The following LEKR1 variants were observed in gnomAD, a reference collection of about 807,000 sequenced individuals.
LEKR1 encodes the protein protein LEKR1.
A neutral mutation model predicts 72.4 loss-of-function variants in LEKR1; 59 were observed. The observed-to-expected ratio is 0.82, with a 90% CI of 0.66 to 1.01. The LOEUF (loss-of-function observed/expected upper bound fraction) is 1.01, where lower values mean the gene tolerates loss of function less well. Among genes scored for constraint, LEKR1 ranks in the 50% least tolerant of loss-of-function variants. The pLI is 0.00. For missense variants in LEKR1, 728 were observed against 759.2 expected (o/e 0.96, Z 0.48); for synonymous variants, 257 against 263.2 (o/e 0.98, Z 0.23).
chr3:156,903,829 A>C (rs1468157740), intron 3 of LEKR1, among the ~76,000 whole-genome samples: 2 of 152,220 alleles, frequency 1.3e-5, no homozygotes, highest in African/African-American at 2.4e-5. Context: ...GTCCCAAGGA[A>C]AGAATCCTAC....
intron 6 of LEKR1, among the ~76,000 whole-genome samples, chr3:156,966,235 A>G (rs1728567657): frequency 6.6e-6 from 1 of 152,168 alleles, no homozygotes; most frequent in Middle Eastern, 3.4e-3. Flanking sequence ...TGCATTTCCA[A>G]CTGAGGTACT....
intron 2 of LEKR1, among the ~76,000 whole-genome samples, chr3:156,845,764 C>T (rs1714513741): frequency 6.6e-6 from 1 of 151,988 alleles, no homozygotes; most frequent in African/African-American, 2.4e-5. Flanking sequence ...GGTAGTGATT[C>T]CCCCCACTTT....
rs981110869 is a variant in LEKR1 at position 157,037,150 on chromosome 3, T to C, written c.1669-8190T>C. ...TTCCATTCCATGCAGTCAATAGATA[T>C]GTTCCAAACTGAAAAACAAAGAAGT... On this transcript the variant is annotated intron_variant, in intron 12 of 12. Transcript: ENST00000356539. Among the ~76,000 whole-genome samples the C allele has an allele frequency of 3.9e-5, 6 of 152,154 alleles. No individual in the cohort carries two copies. In the South Asian group the frequency reaches 1.0e-3, roughly 26 times the overall value.
rs75556697 is a variant in LEKR1 at position 157,044,913 on chromosome 3, A to G, written c.1669-427A>G. Among the ~76,000 whole-genome samples the G allele has an allele frequency of 2.8e-3, 426 of 152,314 alleles. 11 individuals are homozygous for G. The East Asian group carries it at 0.064, about 23-fold the overall frequency. ...GTTATTATAGTATACCTTCACTACA[A>G]AAGAATATATTTAATGACTCTACAG... On this transcript the variant is annotated intron_variant, in intron 12 of 12. Transcript: ENST00000356539.
chr3:156,983,144 G>GA (rs924727685), intron 7 of LEKR1, among the ~76,000 whole-genome samples: 1 of 152,100 alleles, frequency 6.6e-6, no homozygotes, highest in Non-Finnish European at 1.5e-5. Context: ...AGCCTTAAAA[G>GA]AAAGACTGTC....
At chr3:156,928,618 C>A (rs1467678722) in intron 5 of LEKR1, among the ~76,000 whole-genome samples, 1 of 151,956 alleles carries the variant, frequency 6.6e-6, no homozygotes, top group Non-Finnish European at 1.5e-5. Flanking sequence ...ATCAAGGCAA[C>A]CTCAGCCTCT....
chr3:156,885,215 GT>G (rs1719925552), intron 3 of LEKR1, among the ~76,000 whole-genome samples: 1 of 151,856 alleles, frequency 6.6e-6, no homozygotes, highest in South Asian at 2.1e-4. Flanking sequence ...CTTTGTGTTG[GT>G]TTTTTACCTT....
At chr3:157,027,458 A>G (rs1286386756) in intron 11 of LEKR1, among the ~76,000 whole-genome samples, 1 of 152,158 alleles carries the variant, frequency 6.6e-6, no homozygotes, top group East Asian at 1.9e-4. Flanking sequence ...CCCCAAAATC[A>G]GGCATTTTGA....
intron 12 of LEKR1, among the ~76,000 whole-genome samples, chr3:157,039,655 G>A (rs2108046481): frequency 6.6e-6 from 1 of 152,232 alleles, no homozygotes; most frequent in South Asian, 2.1e-4. Context: ...AACAAATCTA[G>A]CAAAGACGGA....
At chr3:156,956,377 G>A (rs1452044992) in intron 6 of LEKR1, among the ~76,000 whole-genome samples, 1 of 151,950 alleles carries the variant, frequency 6.6e-6, no homozygotes. Context: ...TCCATGTTTG[G>A]CCACCTAGCC....
chr3:156,985,996 G>A (rs1333962295), intron 7 of LEKR1, among the ~76,000 whole-genome samples: 2 of 152,124 alleles, frequency 1.3e-5, no homozygotes, highest in Non-Finnish European at 2.9e-5. Flanking sequence ...TTGCAGTGAT[G>A]TGATTCGATG....
chr3:156,946,625 G>T (rs920868445), intron 6 of LEKR1, among the ~76,000 whole-genome samples: 1 of 151,268 alleles, frequency 6.6e-6, no homozygotes, highest in African/African-American at 2.4e-5. Context: ...TCTATACCCA[G>T]TTTTTTCAGG....
intron 12 of LEKR1, among the ~76,000 whole-genome samples, chr3:157,042,498 A>C (rs1047495257): frequency 2.6e-5 from 4 of 152,140 alleles, no homozygotes; most frequent in African/African-American, 9.7e-5. Flanking sequence ...GTCTGCCAGG[A>C]ATTTGCTCCC....
chr3:156,989,378 A>G (rs1393716924), intron 7 of LEKR1, among the ~76,000 whole-genome samples: 1 of 152,206 alleles, frequency 6.6e-6, no homozygotes, highest in Non-Finnish European at 1.5e-5. Context: ...AATTTTTGCT[A>G]GAATCAAACT....
At chr3:156,985,490 C>T (rs1353172576) in intron 7 of LEKR1, among the ~76,000 whole-genome samples, 2 of 152,172 alleles carry the variant, frequency 1.3e-5, no homozygotes, top group African/African-American at 4.8e-5. Context: ...GTCCTAATCC[C>T]TGGAATCTGT....
chr3:156,941,058 T>A (rs1183142266), intron 5 of LEKR1, among the ~76,000 whole-genome samples: 1 of 152,108 alleles, frequency 6.6e-6, no homozygotes, highest in African/African-American at 2.4e-5. Flanking sequence ...TTTAAAAATT[T>A]TATGTACTGT....
At chr3:156,944,021 G>T (rs970881479) in intron 6 of LEKR1, among the ~76,000 whole-genome samples, 3 of 150,356 alleles carry the variant, frequency 2.0e-5, no homozygotes, top group Non-Finnish European at 4.4e-5. Context: ...TTCTACATTT[G>T]ATTTTTTTCA....
intron 3 of LEKR1, among the ~76,000 whole-genome samples, chr3:156,914,474 C>G (rs1305329055): frequency 1.3e-5 from 2 of 152,242 alleles, no homozygotes; most frequent in South Asian, 2.1e-4. Context: ...TCATCCATGT[C>G]CCTGCAAAGG....
Position 156,829,278 on chromosome 3 carries a change from G to A in LEKR1, c.-44-8G>A. 9.2e-7 allele frequency: 1 copy of A among 1,091,916 alleles called. No individual in the cohort carries two copies. The allele number at this position is 1,091,916 out of a possible 1,614,324, so 67.6% of individuals were successfully genotyped here. ...TTCTGTTCTGACTGTTGCCATCAAT[G>A]TTCTTAGATTTCCTTTGGCTTCAAA... On this transcript the variant is annotated splice_polypyrimidine_tract_variant and splice_region_variant and intron_variant, in intron 1 of 12. Transcript: ENST00000356539.
Sources: allele counts gnomAD v4.1 joint callset (sites outside exome capture counted in the v4.1 genomes callset), GRCh38; gene constraint gnomAD v4.1.1; transcripts MANE v1.5; gene names NCBI Gene and HGNC (gene_info 2026-07-23, HGNC 2026-07-21).